RPS6KA3: variants seen among roughly 807,000 people sequenced by gnomAD.
The protein encoded by RPS6KA3 is ribosomal protein S6 kinase A3.
In RPS6KA3, 4 loss-of-function variants were observed where a neutral mutation model predicts 67.2. That is an observed-to-expected ratio of 0.06 (90% CI 0.03 to 0.14). The LOEUF (loss-of-function observed/expected upper bound fraction) is 0.14, where lower values mean the gene tolerates loss of function less well. RPS6KA3 is among the 10% of genes least tolerant of loss of function. RPS6KA3 has a pLI of 1.00. For synonymous variants in RPS6KA3, 182 were observed against 183.7 expected (o/e 0.99, Z 0.07); for missense variants, 204 against 559.0 (o/e 0.36, Z 6.40).
intron 4 of RPS6KA3, among the ~76,000 whole-genome samples, chrX:20,200,574 A>T (rs2068401030): frequency 8.9e-6 from 1 of 112,000 alleles, no homozygotes; most frequent in Admixed American, 9.4e-5. Flanking sequence ...CTTGTAGCTC[A>T]ATTTGTTCTA....
intron 1 of RPS6KA3, among the ~76,000 whole-genome samples, chrX:20,238,173 A>G (rs2069464119): frequency 9.0e-6 from 1 of 111,335 alleles, no homozygotes; most frequent in Non-Finnish European, 1.9e-5. Context: ...ACACACTCCA[A>G]ATCATCTTAA....
chrX:20,262,285 A>G (rs1779912682), intron 1 of RPS6KA3, among the ~76,000 whole-genome samples: 1 of 111,893 alleles, frequency 8.9e-6, no homozygotes, highest in African/African-American at 3.2e-5. Flanking sequence ...AAACTTTAGG[A>G]CAATTGTTCT....
At position 20,232,372 on chromosome X, in the gene RPS6KA3, C is replaced by A. The variant is rs780734137; in HGVS notation, c.126+2386G>T. ...AGCAGATCACAAGATCAGGAGTTTG[C>A]GACCAGCCTGACCAATATGGTGAAA... is the stretch of plus-strand genomic sequence containing the variant. On this transcript the variant is annotated intron_variant, in intron 2 of 21. Coordinates refer to ENST00000379565, the MANE Select transcript of RPS6KA3 (RefSeq NM_004586.3). Among the ~76,000 whole-genome samples, 86 of 111,515 alleles carry A rather than the reference C, an allele frequency of 7.7e-4. 1 individual carries two copies. Among genetic ancestry groups the A allele is most frequent in the African/African-American group, 2.7e-3 (84 of 30,641 alleles).
chrX:20,266,607 G>A lies in RPS6KA3; in HGVS notation c.26C>T (p.Pro9Leu). The A allele has an allele frequency of 1.7e-6, 2 of 1,148,485 alleles. No homozygotes were observed. Among genetic ancestry groups the A allele is most frequent in the Non-Finnish European group, 1.2e-6 (1 of 866,981 alleles). The allele number at this position is 1,148,485 out of a possible 1,213,427, so 94.6% of individuals were successfully genotyped here. A position where few individuals can be genotyped will look rare whatever the true frequency, so the allele number is the denominator to read the frequency against. The change falls in exon 1 of 22, where the codon CCG becomes CTG. Residue 9 changes from proline (P) to leucine (L), a missense_variant. Pro to Leu is a moderately conservative substitution (Grantham distance 98, BLOSUM62 -3). Coordinates refer to ENST00000379565, the MANE Select transcript of RPS6KA3 (RefSeq NM_004586.3). ...GCTCTCCACAGCCATCTTCTGCCAC[G>A]GGTCCGCCAGCTGCGCCAGCGGCAT... The part of the protein sequence containing the change: MPLAQLAD[P>L]WQKMAVESPS...
intron 1 of RPS6KA3, chrX:20,241,769 T>C (rs1219883003): frequency 9.0e-6 from 1 of 111,386 alleles, no homozygotes; most frequent in East Asian, 2.8e-4. Context: ...TCTGCAACAA[T>C]AAAATGCCAG....
At chrX:20,239,277 C>T (rs1362359360) in intron 1 of RPS6KA3, among the ~76,000 whole-genome samples, 3 of 110,740 alleles carry the variant, frequency 2.7e-5, no homozygotes, top group Non-Finnish European at 5.7e-5. Flanking sequence ...TCTCTTTTGC[C>T]TCAATTGACT....
chrX:20,172,761 C>T lies in RPS6KA3; in HGVS notation c.1338G>A (p.Met446Ile). 1 of 1,201,579 alleles carries T rather than the reference C, an allele frequency of 8.3e-7. No homozygotes were observed. Among genetic ancestry groups the T allele is most frequent in the Non-Finnish European group, 1.1e-6 (1 of 888,463 alleles). The stretch of plus-strand genomic sequence containing the variant: ...AAAAATTTACCTTCACTGCAAACTC[C>T]ATGTTTGTAGCTTTATGTATACATC... The part of the protein sequence containing the change: ...CKRCIHKATN[M>I]EFAVKIIDKS... Residue 446 changes from methionine to isoleucine, a missense_variant, in exon 15 of 22, where the codon ATG (methionine) becomes ATA (isoleucine). Met to Ile is a conservative substitution (Grantham distance 10). Transcript: ENST00000379565.
At chrX:20,216,662 G>A (rs1358035469) in intron 2 of RPS6KA3, among the ~76,000 whole-genome samples, 2 of 110,424 alleles carry the variant, frequency 1.8e-5, no homozygotes, top group African/African-American at 6.6e-5. Context: ...ACCTGAGGGA[G>A]GTGAGAAAGT....
In RPS6KA3 at chrX:20,167,761, C is replaced by T. The variant is rs1329838855; in HGVS notation, c.1444-14G>A. On this transcript the variant is annotated splice_polypyrimidine_tract_variant and intron_variant, in intron 16 of 21. Transcript: ENST00000379565. ...ATCATCATATACCTATAAATTTCAA[C>T]ATCAAAATGTAAATATTATTTGAAA... is the stretch of plus-strand genomic sequence containing the variant. 1.9e-6 allele frequency: 2 copies of T among 1,029,287 alleles called. No individual in the cohort carries two copies. The highest frequency in any genetic ancestry group is 1.9e-5 in the South Asian group (1 of 52,689). 84.8% of individuals were successfully genotyped at this position (1,029,287 alleles called of 1,213,427 possible).
chrX:20,210,029 A>C (rs1386395688), intron 2 of RPS6KA3, among the ~76,000 whole-genome samples: 1 of 112,183 alleles, frequency 8.9e-6, no homozygotes, highest in African/African-American at 3.2e-5. Flanking sequence ...AAAGGAGAAA[A>C]GATTTAACAT....
At chrX:20,176,558 C>A (rs1004239689) in intron 11 of RPS6KA3, 60 bp from the exon 12 acceptor site, 2 of 737,102 alleles carry the variant, frequency 2.7e-6, no homozygotes, top group Admixed American at 2.4e-5. Flanking sequence ...TATTGCTCAG[C>A]CTTTGTTTTC....
In RPS6KA3 at chrX:20,175,306, T is replaced by G; in HGVS notation, c.1103-18A>C. ...AGGTGAATCTGAAAAGAGTAAGAAG[T>G]GACAAAGAAGATTCATTTGAAAGGA... is the stretch of plus-strand genomic sequence containing the variant. On this transcript the variant is annotated intron_variant, in intron 13 of 21. Coordinates refer to ENST00000379565, the MANE Select transcript of RPS6KA3 (RefSeq NM_004586.3). 6.6e-6 allele frequency: 8 copies of G among 1,206,417 alleles called. No homozygotes were observed. Among genetic ancestry groups the G allele is most frequent in the Non-Finnish European group, 9.0e-6 (8 of 891,055 alleles).
chrX:20,180,735 A>G (rs753445048), intron 10 of RPS6KA3, among the ~76,000 whole-genome samples: 1 of 112,303 alleles, frequency 8.9e-6, no homozygotes, highest in Non-Finnish European at 1.9e-5. Flanking sequence ...AAAACCCTAT[A>G]TAAGATTAGT....
chrX:20,201,983 T>C (rs780845672), intron 4 of RPS6KA3, among the ~76,000 whole-genome samples: 16 of 101,119 alleles, frequency 1.6e-4, no homozygotes, highest in East Asian at 3.0e-4. Flanking sequence ...TTTCTTTTTT[T>C]TTTTTTTTTT....
intron 1 of RPS6KA3, among the ~76,000 whole-genome samples, chrX:20,238,536 C>T (rs1421809229): frequency 9.0e-6 from 1 of 111,023 alleles, no homozygotes; most frequent in African/African-American, 3.3e-5. Flanking sequence ...TTCAGCTTCA[C>T]GTCATCTCAA....
chrX:20,204,181 TAC>T, intron 3 of RPS6KA3, 78 bp from the exon 4 acceptor site: 2 of 595,265 alleles, frequency 3.4e-6, no homozygotes, highest in Non-Finnish European at 5.7e-6. Context: ...CCTGCTATAA[TAC>T]AGTTTATTAT....
In RPS6KA3 at chrX:20,234,881, GC is replaced by G; in HGVS notation, c.70-68del. ...TCACATCAGTTAAAGTTAAATGAAG[GC>G]AGACAAAAAAAAAAAAAATTGAGGA... On this transcript the variant is annotated intron_variant, in intron 1 of 21. Coordinates refer to ENST00000379565, the MANE Select transcript of RPS6KA3 (RefSeq NM_004586.3). The G allele has an allele frequency of 1.5e-5, 13 of 859,287 alleles. No individual in the cohort carries two copies. The Admixed American group carries it at 1.5e-4, about 10-fold the overall frequency. 70.8% of individuals were successfully genotyped at this position (859,287 alleles called of 1,213,427 possible). A position where few individuals can be genotyped will look rare whatever the true frequency, so the allele number is the denominator to read the frequency against.
intron 16 of RPS6KA3, 53 bp downstream of exon 16, chrX:20,169,349 C>T: frequency 1.3e-6 from 1 of 791,102 alleles, no homozygotes; most frequent in Non-Finnish European, 2.0e-6. Flanking sequence ...ACACTACTTT[C>T]AATGTGAGTT....
At chrX:20,174,359 T>C (rs2067646827) in intron 14 of RPS6KA3, among the ~76,000 whole-genome samples, 2 of 105,988 alleles carry the variant, frequency 1.9e-5, no homozygotes, top group Non-Finnish European at 2.0e-5. Flanking sequence ...TTTTTTTTTT[T>C]TTTTTTCTGA....
Sources: gnomAD v4.1 joint callset for allele counts (sites outside exome capture counted in the v4.1 genomes callset) on GRCh38, gnomAD v4.1.1 for gene constraint, MANE v1.5 for transcripts, NCBI Gene and HGNC (gene_info 2026-07-23, HGNC 2026-07-21) for gene names.